Variants in FARS2 observed in about 807,000 individuals in gnomAD.
The protein encoded by FARS2 is phenylalanine--tRNA ligase, mitochondrial.
In FARS2, 40 loss-of-function variants were observed where a neutral mutation model predicts 46.4. The observed-to-expected ratio is 0.86, with a 90% CI of 0.67 to 1.12. The LOEUF (loss-of-function observed/expected upper bound fraction) is 1.12. FARS2 is among the 50% of genes most tolerant of loss of function. The pLI is 0.00. For synonymous variants in FARS2, 234 were observed against 214.9 expected, an observed-to-expected ratio of 1.09 and a Z score of -0.78; for missense variants, 513 against 567.9, an observed-to-expected ratio of 0.90 and a Z score of 0.98.
intron 5 of FARS2, among the ~76,000 whole-genome samples, chr6:5,599,955 T>C (rs1053787584): frequency 2.0e-5 from 3 of 151,998 alleles, no homozygotes; most frequent in Non-Finnish European, 4.4e-5. Flanking sequence ...AGACCCTAAG[T>C]CCCCATGAAG....
intron 1 of FARS2, among the ~76,000 whole-genome samples, chr6:5,271,032 G>A (rs1765908562): frequency 6.6e-6 from 1 of 152,200 alleles, no homozygotes; most frequent in Non-Finnish European, 1.5e-5. Flanking sequence ...GCCATTGCAA[G>A]TAACTGAAGT....
At chr6:5,290,264 T>C (rs774872363) in intron 1 of FARS2, among the ~76,000 whole-genome samples, 22 of 152,198 alleles carry the variant, frequency 1.4e-4, no homozygotes, top group Non-Finnish European at 3.1e-4. Context: ...ACAGTAATGC[T>C]TGACAACTCA....
chr6:5,636,365 T>TTTGC (rs1377100051), intron 6 of FARS2, among the ~76,000 whole-genome samples: 2 of 152,310 alleles, frequency 1.3e-5, no homozygotes, highest in African/African-American at 4.8e-5. Flanking sequence ...TGATTCCCCC[T>TTTGC]TTGCTAGCAA....
At chr6:5,703,461 A>G (rs939451099) in intron 6 of FARS2, among the ~76,000 whole-genome samples, 2 of 152,182 alleles carry the variant, frequency 1.3e-5, no homozygotes, top group African/African-American at 2.4e-5. Context: ...TATAAGATCA[A>G]TTGTGATTTT....
intron 1 of FARS2, among the ~76,000 whole-genome samples, chr6:5,274,873 G>C (rs1433681707): frequency 1.3e-5 from 2 of 152,102 alleles, no homozygotes; most frequent in South Asian, 2.1e-4. Context: ...ACCTCACCCA[G>C]CTAATTAAAA....
intron 1 of FARS2, among the ~76,000 whole-genome samples, chr6:5,363,751 C>T (rs917962374): frequency 4.6e-5 from 7 of 152,148 alleles, no homozygotes; most frequent in Non-Finnish European, 8.8e-5. Context: ...GCACCCTTTA[C>T]GTCCCCTCTG....
intron 4 of FARS2, among the ~76,000 whole-genome samples, chr6:5,456,744 A>AAAAAAAAAAAG (rs1554187511): frequency 4.0e-5 from 6 of 149,076 alleles, no homozygotes; most frequent in African/African-American, 1.5e-4. Flanking sequence ...AAAAAAAAAA[A>AAAAAAAAAAAG]AAAAGAGATG....
chr6:5,317,625 C>T (rs1256472857), intron 1 of FARS2, among the ~76,000 whole-genome samples: 1 of 151,738 alleles, frequency 6.6e-6, no homozygotes, highest in Non-Finnish European at 1.5e-5. Context: ...TACAAAAATA[C>T]AAAAATTAGC....
At position 5,471,050 on chromosome 6, in the gene FARS2, A is replaced by T. The variant is rs78659700; in HGVS notation, c.904+39878A>T. 6.6e-6 allele frequency among the ~76,000 whole-genome samples: 1 copy of T among 152,138 alleles called. No homozygotes were observed. Among genetic ancestry groups the T allele is most frequent in the African/African-American group, 2.4e-5 (1 of 41,400 alleles). ...TTCTTCCTGCTCTTACTGATCAGAA[A>T]AGGCTTTCTAAGCTAGAGTGTGAGA... is the stretch of plus-strand genomic sequence containing the variant. On this transcript the variant is annotated intron_variant, in intron 4 of 6. Coordinates refer to ENST00000274680, the MANE Select transcript of FARS2 (RefSeq NM_006567.5). The surrounding 1 kb of genome is among the most constrained non-coding windows in gnomAD (Gnocchi z 4.1).
chr6:5,416,972 A>C (rs997897225), intron 3 of FARS2, among the ~76,000 whole-genome samples: 1 of 152,144 alleles, frequency 6.6e-6, no homozygotes, highest in Non-Finnish European at 1.5e-5. Context: ...TTTTGCTTTG[A>C]ATAGTTGATC....
At chr6:5,466,479 A>T (rs1473693842) in intron 4 of FARS2, 1 of 964,886 alleles carries the variant, frequency 1.0e-6, no homozygotes, top group East Asian at 1.1e-4. Flanking sequence ...CTCTGAAAAC[A>T]TAATAAATGT....
intron 2 of FARS2, among the ~76,000 whole-genome samples, chr6:5,403,283 T>A (rs551771098): frequency 3.7e-4 from 56 of 152,246 alleles, no homozygotes; most frequent in Non-Finnish European, 6.0e-4. Context: ...GAAAATGTGA[T>A]ACCTGACTGC....
At chr6:5,766,417 C>T (rs1317389574) in intron 6 of FARS2, among the ~76,000 whole-genome samples, 1 of 152,262 alleles carries the variant, frequency 6.6e-6, no homozygotes, top group Non-Finnish European at 1.5e-5. Flanking sequence ...GTCTGTGCCC[C>T]AGGCACAGCC....
In FARS2 at chr6:5,390,748, C is replaced by T. The variant is rs541878415; in HGVS notation, c.613-13794C>T. Among the ~76,000 whole-genome samples the T allele has an allele frequency of 1.7e-4, 26 of 152,308 alleles. No homozygotes were observed. The South Asian group carries it at 3.5e-3, about 21-fold the overall frequency. On this transcript the variant is annotated intron_variant, in intron 2 of 6. Transcript: ENST00000274680. ...GGGCTGAGATAACCAGTGTCAAGCC[C>T]GGGTGTCCTAATAGCTGCCCCAGGT...
At chr6:5,285,148 G>A (rs1236263627) in intron 1 of FARS2, among the ~76,000 whole-genome samples, 1 of 152,232 alleles carries the variant, frequency 6.6e-6, no homozygotes, top group Non-Finnish European at 1.5e-5. Flanking sequence ...GAAAGAAAAG[G>A]CCACAGGTTG....
intron 2 of FARS2, among the ~76,000 whole-genome samples, chr6:5,392,869 T>TA (rs1760639644): frequency 3.4e-5 from 5 of 147,230 alleles, no homozygotes; most frequent in Admixed American, 6.8e-5. Flanking sequence ...TGTGTATATA[T>TA]TATATATATG....
chr6:5,303,632 GAA>G (rs1158678370), intron 1 of FARS2, among the ~76,000 whole-genome samples: 1 of 151,898 alleles, frequency 6.6e-6, no homozygotes, highest in Non-Finnish European at 1.5e-5. Context: ...CTCTGAAAGT[GAA>G]AAGTTGCTTC....
intron 6 of FARS2, among the ~76,000 whole-genome samples, chr6:5,676,928 T>C (rs1364583403): frequency 6.6e-6 from 1 of 152,190 alleles, no homozygotes; most frequent in Non-Finnish European, 1.5e-5. Flanking sequence ...GAAAATTCCA[T>C]TTGAGAAAAC....
chr6:5,391,522 C>T (rs2127691398), intron 2 of FARS2, among the ~76,000 whole-genome samples: 1 of 151,924 alleles, frequency 6.6e-6, no homozygotes, highest in Non-Finnish European at 1.5e-5. Flanking sequence ...AAGTGTTTAG[C>T]ATTAATTTGT....
Sources: allele counts gnomAD v4.1 joint callset (sites outside exome capture counted in the v4.1 genomes callset), GRCh38; gene constraint gnomAD v4.1.1; non-coding constraint Gnocchi (gnomAD v3.1); transcripts MANE v1.5; gene names NCBI Gene and HGNC (gene_info 2026-07-23, HGNC 2026-07-21).